Variants in CPSF3 observed in about 807,000 individuals in gnomAD.
CPSF3 encodes cleavage and polyadenylation specificity factor subunit 3.
In CPSF3, 57 loss-of-function variants were observed where a neutral mutation model predicts 84.1. The observed-to-expected ratio is 0.68, with a 90% CI of 0.55 to 0.85. The LOEUF (loss-of-function observed/expected upper bound fraction) is 0.85, where lower values mean the gene tolerates loss of function less well. Ranked by LOEUF, CPSF3 falls within the 40% of genes least tolerant of loss-of-function variation. CPSF3 has a pLI of 0.00. For missense variants in CPSF3, 522 were observed against 838.8 expected, an observed-to-expected ratio of 0.62 and a Z score of 4.66; for synonymous variants, 275 against 278.1, an observed-to-expected ratio of 0.99 and a Z score of 0.11.
Position 9,430,040 on chromosome 2 carries a change from A to G in CPSF3, c.212+20A>G. ...TAGTCAGTAAGTTTTTCCCTTTATT[A>G]ATGACACTTTTTCACGGACTTTTAC... On this transcript the variant is annotated intron_variant, in intron 3 of 17. Transcript: ENST00000238112. 1 of 1,368,838 alleles carries G rather than the reference A, an allele frequency of 7.3e-7. No individual in the cohort carries two copies. The highest frequency in any genetic ancestry group is 1.0e-6 in the Non-Finnish European group (1 of 994,844). 84.8% of individuals were successfully genotyped at this position (1,368,838 alleles called of 1,614,324 possible). A position where few individuals can be genotyped will look rare whatever the true frequency, so the allele number is the denominator to read the frequency against.
chr2:9,433,651 A>G (rs566650794), intron 5 of CPSF3, among the ~76,000 whole-genome samples: 33 of 152,284 alleles, frequency 2.2e-4, no homozygotes, highest in Admixed American at 2.1e-3. Context: ...TGATACTGGG[A>G]ATAGATTATT....
At chr2:9,465,712 C>T (rs796926404) in intron 15 of CPSF3, among the ~76,000 whole-genome samples, 9 of 152,346 alleles carry the variant, frequency 5.9e-5, no homozygotes, top group African/African-American at 2.2e-4. Flanking sequence ...CCCCATCCTT[C>T]TAAGAGCTCA....
Position 9,457,003 on chromosome 2 carries a change from A to G in CPSF3, c.1674A>G (p.Gln558=). 1.9e-6 allele frequency: 3 copies of G among 1,599,930 alleles called. No individual in the cohort carries two copies. The highest frequency in any genetic ancestry group is 1.7e-4 in the Middle Eastern group (1 of 6,016). Residue 558 remains glutamine (Q), a synonymous_variant, in exon 14 of 18, where the codon CAA becomes CAG. Transcript: ENST00000238112. ...TGTTCAAAAATATTACTGTAATACA[A>G]GAACCAGGCATGGTGGTATTAGAAG... ...LKVFKNITVI[Q]EPGMVVLEWL...
intron 13 of CPSF3, 42 bp from the exon 14 acceptor site, chr2:9,456,891 T>G: frequency 8.4e-7 from 1 of 1,194,380 alleles, no homozygotes; most frequent in Non-Finnish European, 1.2e-6. Flanking sequence ...TGGAAGATTA[T>G]CAGAAAAGTA....
At position 9,441,927 on chromosome 2, in the gene CPSF3, G is replaced by A. The variant is rs1418815953; in HGVS notation, c.1046G>A (p.Arg349Lys). 6.2e-7 allele frequency: 1 copy of A among 1,614,206 alleles called. No homozygotes were observed. The highest frequency in any genetic ancestry group is 1.1e-5 in the South Asian group (1 of 91,086). The change falls in exon 9 of 18, where the codon AGG becomes AAG. Residue 349 changes from arginine to lysine, a missense_variant. Arg to Lys is a conservative substitution (Grantham distance 26). Transcript: ENST00000238112. ...ELFESWCTDKRNGVIIAGYCV... is the reference protein window; with the variant it reads ...ELFESWCTDKKNGVIIAGYCV... ...TTTGAAAGCTGGTGTACTGATAAGA[G>A]GAATGGTGTCATTATAGCGGGATAC...
chr2:9,468,728 G>C (rs1204031977), intron 16 of CPSF3, among the ~76,000 whole-genome samples: 1 of 146,824 alleles, frequency 6.8e-6, no homozygotes, highest in Admixed American at 7.1e-5. Context: ...TCGGGTTCAA[G>C]CGATTCTCCT....
intron 15 of CPSF3, among the ~76,000 whole-genome samples, chr2:9,466,677 C>T (rs1572811716): frequency 6.6e-6 from 1 of 152,204 alleles, no homozygotes; most frequent in Non-Finnish European, 1.5e-5. Flanking sequence ...TCTATATTCT[C>T]ACCAACTCAA....
intron 15 of CPSF3, 103 bp downstream of exon 15, chr2:9,459,721 C>G (rs1681668219): frequency 3.8e-6 from 2 of 528,504 alleles, no homozygotes; most frequent in East Asian, 3.3e-5. Context: ...ACGATCTCAG[C>G]TCACTGCATC....
At position 9,448,330 on chromosome 2, in the gene CPSF3, A is replaced by G. The variant is rs1681193633; in HGVS notation, c.1375A>G (p.Arg459Gly). 1 of 1,612,516 alleles carries G rather than the reference A, an allele frequency of 6.2e-7. No individual in the cohort carries two copies. The highest frequency in any genetic ancestry group is 8.5e-7 in the Non-Finnish European group (1 of 1,179,290). The change falls in exon 11 of 18, where the codon AGA (arginine) becomes GGA (glycine). Residue 459 changes from arginine (R) to glycine (G), a missense_variant. By Grantham distance (125) the Arg-to-Gly change is moderately radical. This residue lies in a region of CPSF3 where 329 missense variants were observed against 607.2 expected (regional missense o/e 0.54). Coordinates refer to ENST00000238112, the MANE Select transcript of CPSF3 (RefSeq NM_016207.4). ...TACAGAAGCAGTGACCTTAAACTTCAGAGGAGAAAAACTAGCCAAGGTAAA... is the reference window on the plus strand; with the variant it reads ...TACAGAAGCAGTGACCTTAAACTTCGGAGGAGAAAAACTAGCCAAGGTAAA... ...RNTEAVTLNF[R>G]GEKLAKVMGF...
Position 9,456,950 on chromosome 2 carries a change from G to A in CPSF3, c.1621G>A (p.Glu541Lys). 6.3e-7 allele frequency: 1 copy of A among 1,590,920 alleles called. No homozygotes were observed. The highest frequency in any genetic ancestry group is 8.6e-7 in the Non-Finnish European group (1 of 1,164,490). Residue 541 changes from glutamate to lysine, a missense_variant, in exon 14 of 18, where the codon GAA becomes AAA. Transcript: ENST00000238112. ...QKLTGDVEEL[E>K]IQEKPALKVF... is the part of the protein sequence containing the mutation. ...TCTTTCAGGTGATGTGGAAGAATTA[G>A]AAATTCAAGAAAAACCTGCTCTGAA...
chr2:9,465,533 C>T (rs1681871596), intron 15 of CPSF3, among the ~76,000 whole-genome samples: 1 of 149,992 alleles, frequency 6.7e-6, no homozygotes, highest in African/African-American at 2.5e-5. Flanking sequence ...GGTATTTTCC[C>T]CCATATCATA....
chr2:9,443,487 T>C, intron 9 of CPSF3, 28 bp from the exon 10 acceptor site: 1 of 1,591,918 alleles, frequency 6.3e-7, no homozygotes, highest in Non-Finnish European at 8.6e-7. Context: ...GGGTAGTTTG[T>C]TTTGTTATTT....
At chr2:9,430,712 T>C in intron 3 of CPSF3, 40 bp from the exon 4 acceptor site, 1 of 1,578,238 alleles carries the variant, frequency 6.3e-7, no homozygotes, top group Non-Finnish European at 8.6e-7. Flanking sequence ...ATCTGATGGA[T>C]AATAATTTTA....
chr2:9,438,238 G>A (rs1161191021), intron 7 of CPSF3, among the ~76,000 whole-genome samples: 2 of 152,164 alleles, frequency 1.3e-5, no homozygotes, highest in African/African-American at 2.4e-5. Context: ...TCCCAAATCC[G>A]AATCTAATTC....
At chr2:9,430,065 C>A (rs773013779) in intron 3 of CPSF3, 45 bp downstream of exon 3, 2 of 1,104,716 alleles carry the variant, frequency 1.8e-6, no homozygotes, top group East Asian at 2.6e-5. Context: ...CGGACTTTTA[C>A]TATCAAGATC....
intron 11 of CPSF3, among the ~76,000 whole-genome samples, chr2:9,448,729 G>A (rs1268883936): frequency 6.6e-6 from 1 of 152,066 alleles, no homozygotes; most frequent in East Asian, 1.9e-4. Flanking sequence ...GCTAATGTTT[G>A]CATCTTTAGT....
At chr2:9,431,540 CT>C (rs1198118780) in intron 4 of CPSF3, among the ~76,000 whole-genome samples, 5 of 84,146 alleles carry the variant, frequency 5.9e-5, no homozygotes, top group South Asian at 3.2e-4. Context: ...TTTTTTTTTT[CT>C]TTTTTTTTTT....
chr2:9,443,614 T>G lies in CPSF3; in HGVS notation c.1195T>G (p.Tyr399Asp). The G allele has an allele frequency of 1.2e-6, 2 of 1,614,208 alleles. No individual in the cohort carries two copies. The highest frequency in any genetic ancestry group is 2.2e-5 in the South Asian group (2 of 91,076). The change falls in exon 10 of 18, where the codon TAC (tyrosine) becomes GAC (aspartate). Residue 399 changes from tyrosine to aspartate, a missense_variant. Around this residue, in one of 2 missense-constraint regions of CPSF3, gnomAD observed 329 missense variants for 607.2 expected, o/e 0.54. Coordinates refer to ENST00000238112, the MANE Select transcript of CPSF3 (RefSeq NM_016207.4). ...CATTTCTTTCTCAGCTCACACGGATTACCAGCAAACCAGTGAATTTATTCG... is the reference window on the plus strand; with the variant it reads ...CATTTCTTTCTCAGCTCACACGGATGACCAGCAAACCAGTGAATTTATTCG... Reference protein sequence around the residue: ...DYISFSAHTDYQQTSEFIRAL... With the variant: ...DYISFSAHTDDQQTSEFIRAL...
At position 9,471,458 on chromosome 2, in the gene CPSF3, C is replaced by A. The variant is rs529785319; in HGVS notation, c.1953+19C>A. ...GACACGGGTATGTAGCTGCTCTTTCCTACGTTTCAAGACATTTGGGAAATA... is the reference window on the plus strand; with the variant it reads ...GACACGGGTATGTAGCTGCTCTTTCATACGTTTCAAGACATTTGGGAAATA... On this transcript the variant is annotated intron_variant, in intron 17 of 17. Transcript: ENST00000238112. 5 of 1,439,566 alleles carry A rather than the reference C, an allele frequency of 3.5e-6. No individual in the cohort carries two copies. In the East Asian group the frequency reaches 1.1e-4, roughly 33 times the overall value. The allele number at this position is 1,439,566 out of a possible 1,614,324, so 89.2% of individuals were successfully genotyped here. A position where few individuals can be genotyped will look rare whatever the true frequency, so the allele number is the denominator to read the frequency against.
Sources: allele counts gnomAD v4.1 joint callset (sites outside exome capture counted in the v4.1 genomes callset), GRCh38; gene constraint gnomAD v4.1.1; regional missense constraint gnomAD v4.1.1; transcripts MANE v1.5; gene names NCBI Gene and HGNC (gene_info 2026-07-23, HGNC 2026-07-21).